GRIN2A: variants seen among roughly 807,000 people sequenced by gnomAD.
The protein encoded by GRIN2A is glutamate ionotropic receptor NMDA type subunit 2A.
Under a neutral mutation model 113.4 loss-of-function variants are expected in GRIN2A, and 22 were observed. The ratio of observed to expected loss-of-function variants is 0.19; its 90% CI spans 0.14 to 0.28. The LOEUF (loss-of-function observed/expected upper bound fraction) is 0.28. Among genes scored for constraint, GRIN2A ranks in the 10% least tolerant of loss-of-function variants. GRIN2A has a pLI of 1.00. For missense variants in GRIN2A, 1,502 were observed against 1,887.0 expected (o/e 0.80, Z 3.78); for synonymous variants, 827 against 738.4 (o/e 1.12, Z -1.94).
intron 2 of GRIN2A, among the ~76,000 whole-genome samples, chr16:10,008,371 T>G (rs764438206): frequency 6.6e-6 from 1 of 152,212 alleles, no homozygotes; most frequent in Non-Finnish European, 1.5e-5. Context: ...AAGAATGGAC[T>G]GCTGTTGACC....
At chr16:10,178,074 A>C (rs1011274203) in intron 2 of GRIN2A, among the ~76,000 whole-genome samples, 4 of 152,192 alleles carry the variant, frequency 2.6e-5, no homozygotes, top group Non-Finnish European at 5.9e-5. Flanking sequence ...CAGTATGGTT[A>C]CTGTTTCCAG....
At chr16:10,106,659 C>T (rs2048507026) in intron 2 of GRIN2A, among the ~76,000 whole-genome samples, 1 of 152,124 alleles carries the variant, frequency 6.6e-6, no homozygotes, top group African/African-American at 2.4e-5. Flanking sequence ...GATGAGAATG[C>T]ACATAAGAAA....
At chr16:9,865,732 T>C (rs2043150571) in intron 4 of GRIN2A, among the ~76,000 whole-genome samples, 1 of 152,168 alleles carries the variant, frequency 6.6e-6, no homozygotes, top group Non-Finnish European at 1.5e-5. Context: ...CTCACACTGG[T>C]AACACAGCAG....
At chr16:10,013,356 C>A (rs1799706808) in intron 2 of GRIN2A, among the ~76,000 whole-genome samples, 1 of 152,236 alleles carries the variant, frequency 6.6e-6, no homozygotes, top group Admixed American at 6.5e-5. Context: ...CCTTAAGCAT[C>A]CACATGATGG....
chr16:9,913,956 G>A (rs149308261), intron 3 of GRIN2A, among the ~76,000 whole-genome samples: 24 of 151,934 alleles, frequency 1.6e-4, no homozygotes, highest in African/African-American at 5.8e-4. Flanking sequence ...ACTTGTTGCT[G>A]ATTTTCAAAA....
chr16:9,977,773 A>T (rs948847985), intron 2 of GRIN2A, among the ~76,000 whole-genome samples: 7 of 152,186 alleles, frequency 4.6e-5, no homozygotes, highest in Non-Finnish European at 8.8e-5. Context: ...ACACACTTCA[A>T]TTCGGTCGGC....
intron 7 of GRIN2A, among the ~76,000 whole-genome samples, chr16:9,839,976 G>C (rs2042645156): frequency 6.6e-6 from 1 of 152,104 alleles, no homozygotes; most frequent in Non-Finnish European, 1.5e-5. Flanking sequence ...AAATTAGCCA[G>C]GCATGGTGGT....
chr16:10,127,548 C>A (rs1473609481), intron 2 of GRIN2A, among the ~76,000 whole-genome samples: 1 of 152,210 alleles, frequency 6.6e-6, no homozygotes, highest in Non-Finnish European at 1.5e-5. Flanking sequence ...CCTTTAGTAT[C>A]ATTTCTAGCA....
intron 11 of GRIN2A, among the ~76,000 whole-genome samples, chr16:9,781,550 G>A (rs189619282): frequency 1.9e-4 from 29 of 152,016 alleles, no homozygotes; most frequent in Non-Finnish European, 2.5e-4. Flanking sequence ...TTGTAGAGAT[G>A]GGGTCTCACC....
intron 9 of GRIN2A, among the ~76,000 whole-genome samples, chr16:9,827,144 C>G (rs2042401844): frequency 6.6e-6 from 1 of 152,240 alleles, no homozygotes; most frequent in African/African-American, 2.4e-5. Flanking sequence ...AATTGTGACT[C>G]CCAAATTTAC....
chr16:9,934,754 C>T (rs2044673758), intron 3 of GRIN2A, among the ~76,000 whole-genome samples: 2 of 147,288 alleles, frequency 1.4e-5, no homozygotes, highest in South Asian at 2.2e-4. Context: ...TTTCTTTGGC[C>T]TTTCTCTAGC....
intron 2 of GRIN2A, among the ~76,000 whole-genome samples, chr16:10,035,527 G>A (rs549889347): frequency 9.2e-5 from 14 of 152,228 alleles, no homozygotes; most frequent in African/African-American, 2.9e-4. Context: ...CCTCCCCTGT[G>A]AAGCTCTGCC....
chr16:10,181,420 CA>C (rs753915269), intron 1 of GRIN2A, among the ~76,000 whole-genome samples: 16 of 152,186 alleles, frequency 1.1e-4, no homozygotes, highest in Non-Finnish European at 2.4e-4. Context: ...GCGCTGTTGC[CA>C]AGTCCTAGGT....
chr16:10,096,416 C>G (rs1009686319), intron 2 of GRIN2A, among the ~76,000 whole-genome samples: 3 of 152,164 alleles, frequency 2.0e-5, no homozygotes, highest in Non-Finnish European at 2.9e-5. Flanking sequence ...TACCGGCAAC[C>G]TGTGCTTTAA....
At chr16:9,910,492 T>C (rs1014183678) in intron 3 of GRIN2A, among the ~76,000 whole-genome samples, 3 of 151,236 alleles carry the variant, frequency 2.0e-5, no homozygotes, top group Non-Finnish European at 4.4e-5. Flanking sequence ...AGCTGAGATA[T>C]GAGATTTAAA....
intron 2 of GRIN2A, among the ~76,000 whole-genome samples, chr16:10,087,014 G>C (rs2048098345): frequency 6.6e-6 from 1 of 152,210 alleles, no homozygotes; most frequent in African/African-American, 2.4e-5. Context: ...ATGAATTGGG[G>C]AGGAGGAACA....
chr16:10,114,304 AGGG>A (rs2048685489), intron 2 of GRIN2A, among the ~76,000 whole-genome samples: 1 of 152,202 alleles, frequency 6.6e-6, no homozygotes, highest in Non-Finnish European at 1.5e-5. Context: ...AAAGCCCCAC[AGGG>A]GAGCCTGCTT....
intron 2 of GRIN2A, among the ~76,000 whole-genome samples, chr16:10,102,943 A>G (rs1029063224): frequency 6.6e-6 from 1 of 152,200 alleles, no homozygotes. Context: ...CATGGAGTGG[A>G]TGCCTCGGTT....
intron 10 of GRIN2A, among the ~76,000 whole-genome samples, chr16:9,801,666 A>G (rs1903369537): frequency 6.6e-6 from 1 of 152,246 alleles, no homozygotes; most frequent in Non-Finnish European, 1.5e-5. Flanking sequence ...AAAGTTTATA[A>G]AAGCACAATG....
Sources: gnomAD v4.1 joint callset for allele counts (sites outside exome capture counted in the v4.1 genomes callset) on GRCh38, gnomAD v4.1.1 for gene constraint, MANE v1.5 for transcripts, NCBI Gene and HGNC (gene_info 2026-07-23, HGNC 2026-07-21) for gene names.